PCDHGA12: variants seen among roughly 807,000 people sequenced by gnomAD.
PCDHGA12 encodes the protein protocadherin gamma-A12.
A neutral mutation model predicts 61.1 loss-of-function variants in PCDHGA12; 43 were observed. That is an observed-to-expected ratio of 0.70 (90% CI 0.55 to 0.91). The LOEUF is 0.91. PCDHGA12 is among the 40% of genes least tolerant of loss of function. The pLI is 0.00. For missense variants in PCDHGA12, 1,236 were observed against 1,227.7 expected (o/e 1.01, Z -0.10); for synonymous variants, 520 against 542.9 (o/e 0.96, Z 0.59).
At chr5:141,443,475 G>T (rs994058112) in intron 1 of PCDHGA12, among the ~76,000 whole-genome samples, 1 of 152,148 alleles carries the variant, frequency 6.6e-6, no homozygotes, top group African/African-American at 2.4e-5. Flanking sequence ...GACAGAATTA[G>T]ACCCTGTCCC....
chr5:141,458,292 T>C (rs2098941901), intron 1 of PCDHGA12, among the ~76,000 whole-genome samples: 1 of 152,146 alleles, frequency 6.6e-6, no homozygotes, highest in Admixed American at 6.5e-5. Flanking sequence ...GTCCTCATGC[T>C]GGTTTAGATA....
chr5:141,476,040 G>T lies in PCDHGA12; in HGVS notation c.2425-18767G>T. On this transcript the variant is annotated intron_variant, in intron 1 of 3. Coordinates refer to ENST00000252085, the MANE Select transcript of PCDHGA12 (RefSeq NM_003735.3). This position sits in a 1 kb window ranked among gnomAD's most constrained non-coding sequence, Gnocchi z 7.6. ...CGGACTCGGCGCCCAGCGCCCAAGC[G>T]CTAACCCGCTGAAAGTTTCTCAGCG... is the stretch of plus-strand genomic sequence containing the variant. 1 of 1,488,704 alleles carries T rather than the reference G, an allele frequency of 6.7e-7. No homozygotes were observed. 92.2% of individuals were successfully genotyped at this position (1,488,704 alleles called of 1,614,324 possible).
intron 1 of PCDHGA12, chr5:141,479,750 G>T: frequency 6.6e-6 from 1 of 152,310 alleles, no homozygotes. Context: ...CAATGTGAAA[G>T]GTAGATAAAT....
At chr5:141,470,736 C>A (rs541510544) in intron 1 of PCDHGA12, among the ~76,000 whole-genome samples, 1 of 152,092 alleles carries the variant, frequency 6.6e-6, no homozygotes, top group Non-Finnish European at 1.5e-5. Context: ...CTTGCTCTGT[C>A]GCCCTGGCTG....
Position 141,491,529 on chromosome 5 carries a change from G to T in PCDHGA12, c.2425-3278G>T, listed in dbSNP as rs1157770121. ...GCACGCTCAAGTACATGGAGGTGAC[G>T]CTGCGGCCCACAGACTCGCAGAGCC... On this transcript the variant is annotated intron_variant, in intron 1 of 3. Transcript: ENST00000252085. This position sits in a 1 kb window ranked among gnomAD's most constrained non-coding sequence, Gnocchi z 6.9. The T allele has an allele frequency of 6.2e-7, 1 of 1,614,040 alleles. No individual in the cohort carries two copies. The highest frequency in any genetic ancestry group is 1.1e-5 in the South Asian group (1 of 91,080).
chr5:141,478,612 G>A (rs1311028260), intron 1 of PCDHGA12: 2 of 1,558,218 alleles, frequency 1.3e-6, no homozygotes, highest in African/African-American at 1.4e-5. Flanking sequence ...TATTGAGGAA[G>A]GAATGGAGCT....
chr5:141,452,888 C>T (rs62379168), intron 1 of PCDHGA12, among the ~76,000 whole-genome samples: 13,856 of 152,130 alleles, frequency 0.091, 849 homozygotes, highest in African/African-American at 0.17. Flanking sequence ...TAATTTATTC[C>T]ACTTTTATTA....
At chr5:141,471,361 CT>C (rs2099255928) in intron 1 of PCDHGA12, 1 of 151,976 alleles carries the variant, frequency 6.6e-6, no homozygotes, top group Non-Finnish European at 1.5e-5. Flanking sequence ...TCCAAGCCCC[CT>C]ATTTTTATTT....
intron 1 of PCDHGA12, among the ~76,000 whole-genome samples, chr5:141,484,797 G>C (rs1228143036): frequency 6.6e-6 from 1 of 152,064 alleles, no homozygotes; most frequent in Non-Finnish European, 1.5e-5. Flanking sequence ...ATAACAACCC[G>C]TGGAAAAACA....
chr5:141,464,970 G>A (rs550643230), intron 1 of PCDHGA12, among the ~76,000 whole-genome samples: 1 of 152,028 alleles, frequency 6.6e-6, no homozygotes, highest in East Asian at 1.9e-4. Flanking sequence ...TTGAACTACT[G>A]GCTTCAAGTG....
At chr5:141,435,391 A>C (rs1328617100) in intron 1 of PCDHGA12, among the ~76,000 whole-genome samples, 5 of 152,202 alleles carry the variant, frequency 3.3e-5, no homozygotes, top group African/African-American at 1.2e-4. Flanking sequence ...CCGTATTGCC[A>C]TGACGAAAAA....
At chr5:141,467,604 CT>C (rs2099147202) in intron 1 of PCDHGA12, among the ~76,000 whole-genome samples, 1 of 152,204 alleles carries the variant, frequency 6.6e-6, no homozygotes, top group Non-Finnish European at 1.5e-5. Context: ...AGCACTTCAT[CT>C]TTGTCCCAGT....
intron 1 of PCDHGA12, among the ~76,000 whole-genome samples, chr5:141,454,120 T>C (rs956675583): frequency 6.6e-5 from 10 of 152,228 alleles, no homozygotes; most frequent in African/African-American, 2.4e-4. Context: ...ATAGAAGAAA[T>C]AGCTGACCAT....
intron 1 of PCDHGA12, chr5:141,478,595 T>A: frequency 6.4e-7 from 1 of 1,567,880 alleles, no homozygotes; most frequent in Non-Finnish European, 8.7e-7. Flanking sequence ...TTTTTATTCC[T>A]ACATCATATT....
intron 1 of PCDHGA12, among the ~76,000 whole-genome samples, chr5:141,492,670 C>T (rs567661944): frequency 6.6e-6 from 1 of 152,344 alleles, no homozygotes; most frequent in South Asian, 2.1e-4. Context: ...CCCGGGACTC[C>T]GTCTCAAGGG....
At position 141,476,453 on chromosome 5, in the gene PCDHGA12, G is replaced by A. The variant is rs1432113874; in HGVS notation, c.2425-18354G>A. 3 of 1,614,138 alleles carry A rather than the reference G, an allele frequency of 1.9e-6. No individual in the cohort carries two copies. The East Asian group carries it at 6.7e-5, about 36-fold the overall frequency. ...CACTGTAACTCTGGAGTTGGTAGTG[G>A]AGAACCCGCTGGAGCTGTTCAGCGT... On this transcript the variant is annotated intron_variant, in intron 1 of 3. Transcript: ENST00000252085. The surrounding 1 kb of genome is among the most constrained non-coding windows in gnomAD (Gnocchi z 7.6).
At chr5:141,496,994 T>A (rs2099773177) in intron 2 of PCDHGA12, among the ~76,000 whole-genome samples, 1 of 151,862 alleles carries the variant, frequency 6.6e-6, no homozygotes, top group Non-Finnish European at 1.5e-5. Flanking sequence ...GAGACCAGCC[T>A]GGCAGCCAAC....
chr5:141,465,777 C>G (rs2099109055), intron 1 of PCDHGA12, among the ~76,000 whole-genome samples: 2 of 151,768 alleles, frequency 1.3e-5, no homozygotes, highest in African/African-American at 2.4e-5. Flanking sequence ...TCTCTTGTTA[C>G]AGTTTTTTTT....
intron 1 of PCDHGA12, among the ~76,000 whole-genome samples, chr5:141,474,586 A>G (rs149003643): frequency 6.6e-6 from 1 of 152,222 alleles, no homozygotes; most frequent in Non-Finnish European, 1.5e-5. Flanking sequence ...AGTGTTAAAG[A>G]CATGGAAATA....
Sources: allele counts gnomAD v4.1 joint callset (sites outside exome capture counted in the v4.1 genomes callset), GRCh38; gene constraint gnomAD v4.1.1; non-coding constraint Gnocchi (gnomAD v3.1); transcripts MANE v1.5; gene names NCBI Gene and HGNC (gene_info 2026-07-23, HGNC 2026-07-21).